Variants in CEACAM19 observed in about 807,000 individuals in gnomAD.
CEACAM19 encodes CEA cell adhesion molecule 19.
A neutral mutation model predicts 37.6 loss-of-function variants in CEACAM19; 37 were observed. The observed-to-expected ratio is 0.98, with a 90% CI of 0.76 to 1.29. The LOEUF is 1.29. Ranked by LOEUF, CEACAM19 falls within the 50% of genes most tolerant of loss-of-function variation. CEACAM19 has a pLI of 0.00. For synonymous variants in CEACAM19, 140 were observed against 149.8 expected, an observed-to-expected ratio of 0.93 and a Z score of 0.48; for missense variants, 340 against 375.6, an observed-to-expected ratio of 0.91 and a Z score of 0.78.
At chr19:44,680,421 C>T (rs1444144049) in intron 5 of CEACAM19, 87 bp downstream of exon 5, 4 of 1,267,126 alleles carry the variant, frequency 3.2e-6, no homozygotes, top group Non-Finnish European at 4.5e-6. Context: ...CTTATTCTCC[C>T]TCACTCAGAG....
chr19:44,673,047 A>T, intron 2 of CEACAM19, 83 bp downstream of exon 2: 1 of 1,177,760 alleles, frequency 8.5e-7, no homozygotes, highest in Non-Finnish European at 1.1e-6. Context: ...TGCAAACACC[A>T]TTTCATTTGG....
chr19:44,677,110 A>C (rs566583691), intron 3 of CEACAM19, among the ~76,000 whole-genome samples: 1 of 152,136 alleles, frequency 6.6e-6, no homozygotes, highest in Non-Finnish European at 1.5e-5. Context: ...CCACTGGTTT[A>C]GCCATTCCTA....
chr19:44,666,882 GC>G (rs1973723628), upstream of CEACAM19: 1 of 151,936 alleles, frequency 6.6e-6, no homozygotes, highest in Non-Finnish European at 1.5e-5. Flanking sequence ...GGCATTTGTT[GC>G]TTGTTGGCTG....
At chr19:44,675,906 G>A (rs1451253683) in intron 2 of CEACAM19, among the ~76,000 whole-genome samples, 1 of 151,966 alleles carries the variant, frequency 6.6e-6, no homozygotes, top group Non-Finnish European at 1.5e-5. Context: ...CGAGATATAG[G>A]ACAGCTAAGG....
At position 44,672,485 on chromosome 19, in the gene CEACAM19, G is replaced by A. The variant is rs140948168; in HGVS notation, c.56-111G>A. On this transcript the variant is annotated intron_variant, in intron 1 of 7. Transcript: ENST00000358777. ...AATCAATCCCAGCATTGTTTCCAAT[G>A]AGCAGCACTCAGAGTCCTTGCTCCC... 6.8e-6 allele frequency: 8 copies of A among 1,177,404 alleles called. No individual in the cohort carries two copies. In the South Asian group the frequency reaches 1.1e-4, roughly 17 times the overall value. 72.9% of individuals were successfully genotyped at this position (1,177,404 alleles called of 1,614,324 possible). A position where few individuals can be genotyped will look rare whatever the true frequency, so the allele number is the denominator to read the frequency against.
chr19:44,673,355 G>A (rs1032218492), intron 2 of CEACAM19, among the ~76,000 whole-genome samples: 2 of 152,136 alleles, frequency 1.3e-5, no homozygotes, highest in African/African-American at 2.4e-5. Flanking sequence ...AAAGGGTGGT[G>A]GGCAATAATG....
At chr19:44,667,760 T>TA (rs1491463508), upstream of CEACAM19, among the ~76,000 whole-genome samples, 1 of 73,324 alleles carries the variant, frequency 1.4e-5, no homozygotes, top group African/African-American at 6.1e-5. Flanking sequence ...TTATATAAAT[T>TA]ATATATATTT....
upstream of CEACAM19, among the ~76,000 whole-genome samples, chr19:44,668,527 A>T (rs1220007997): frequency 8.1e-3 from 382 of 47,142 alleles, 3 homozygotes; most frequent in Non-Finnish European, 0.012. Flanking sequence ...TAATATAAAT[A>T]TATAATATAT....
At chr19:44,682,783 T>C in intron 7 of CEACAM19, 163 bp downstream of exon 7, 3 of 610,186 alleles carry the variant, frequency 4.9e-6, no homozygotes, top group Non-Finnish European at 8.4e-6. Flanking sequence ...ACCGCCTCCC[T>C]GAGAGACCCT....
In CEACAM19 at chr19:44,682,649, T is replaced by C. The variant is rs759090008; in HGVS notation, c.846+29T>C. 16 of 1,581,784 alleles carry C rather than the reference T, an allele frequency of 1.0e-5. No individual in the cohort carries two copies. In the South Asian group the frequency reaches 1.7e-4, roughly 17 times the overall value. On this transcript the variant is annotated intron_variant, in intron 7 of 7. Transcript: ENST00000358777. ...TGGAGCTGGGAGCTGGGAGGGGTGGTGGGGATCCCACGGATCCAGGAGCCC... is the reference window on the plus strand; with the variant it reads ...TGGAGCTGGGAGCTGGGAGGGGTGGCGGGGATCCCACGGATCCAGGAGCCC...
At chr19:44,667,667 T>TAAATATATATTATATATATAAATATA (rs1973743278), upstream of CEACAM19, among the ~76,000 whole-genome samples, 1 of 89,868 alleles carries the variant, frequency 1.1e-5, no homozygotes, top group Non-Finnish European at 2.0e-5. Context: ...TATATAAATA[T>TAAATATATATTATATATATAAATATA]AAATATATAT....
upstream of CEACAM19, among the ~76,000 whole-genome samples, chr19:44,667,831 T>TAA (rs1973757059): frequency 2.8e-5 from 2 of 71,570 alleles, no homozygotes; most frequent in African/African-American, 1.2e-4. Context: ...AAATTATATA[T>TAA]TTTATATATA....
At position 44,676,311 on chromosome 19, in the gene CEACAM19, C is replaced by T. The variant is rs202126119; in HGVS notation, c.465C>T (p.Asn155=). 81 of 1,614,138 alleles carry T rather than the reference C, an allele frequency of 5.0e-5. No homozygotes were observed. Among genetic ancestry groups the T allele is most frequent in the Admixed American group, 1.0e-4 (6 of 60,012 alleles). ...TGCCCAGTACACACCTGCCCACCAACGCTGGGATCCTGGCGGCCACCATCA... is the reference window on the plus strand; with the variant it reads ...TGCCCAGTACACACCTGCCCACCAATGCTGGGATCCTGGCGGCCACCATCA... ...KELPSTHLPT[N]AGILAATIIG... Residue 155 remains asparagine, a synonymous_variant, in exon 3 of 8, where the codon AAC becomes AAT. Transcript: ENST00000358777.
chr19:44,668,544 AATT>A (rs1973792816), upstream of CEACAM19, among the ~76,000 whole-genome samples: 1 of 70,434 alleles, frequency 1.4e-5, no homozygotes, highest in African/African-American at 8.9e-5. Context: ...ATATGTATAT[AATT>A]ATATAATTAT....
In CEACAM19 at chr19:44,671,939, T is replaced by A. The variant is rs765696068; in HGVS notation, c.8T>A (p.Ile3Asn). The change falls in exon 1 of 8, where the codon ATT becomes AAT. Residue 3 changes from isoleucine to asparagine, a missense_variant. Physicochemically the swap from Ile to Asn is moderately radical, Grantham distance 149. Coordinates refer to ENST00000358777, the MANE Select transcript of CEACAM19 (RefSeq NM_001127893.3). Reference protein sequence around the residue: MEIPMGTQGCFSK... With the variant: MENPMGTQGCFSK... ...TTTCCACAAGACGCCAAGATGGAGA[T>A]TCCCATGGGGACCCAGGGCTGCTTC... 3.7e-5 allele frequency: 60 copies of A among 1,605,940 alleles called. No individual in the cohort carries two copies. The South Asian group carries it at 5.4e-4, about 14-fold the overall frequency.
At chr19:44,667,876 TA>T (rs1306626075), upstream of CEACAM19, among the ~76,000 whole-genome samples, 3 of 70,396 alleles carry the variant, frequency 4.3e-5, no homozygotes, top group African/African-American at 7.2e-5. Flanking sequence ...ATATAATATA[TA>T]AATATATATA....
chr19:44,675,104 G>A (rs945724244), intron 2 of CEACAM19, among the ~76,000 whole-genome samples: 2 of 140,126 alleles, frequency 1.4e-5, no homozygotes, highest in African/African-American at 5.5e-5. Flanking sequence ...CAGCGTGTGT[G>A]TGTGTGTGTG....
rs1973863625 is a variant in CEACAM19 at position 44,671,994 on chromosome 19, G to T, written c.55+8G>T. 5 of 1,600,496 alleles carry T rather than the reference G, an allele frequency of 3.1e-6. 1 individual carries two copies. In the East Asian group the frequency reaches 1.1e-4, roughly 36 times the overall value. On this transcript the variant is annotated splice_region_variant and intron_variant, in intron 1 of 7. Transcript: ENST00000358777. The stretch of plus-strand genomic sequence containing the variant: ...AGAGCCTCCTGCTCTCAGGTAAGGA[G>T]GAAATAGACCCTAAAGGCCAAGGGG...
intron 3 of CEACAM19, chr19:44,677,623 A>C (rs904740527): frequency 6.6e-6 from 1 of 152,130 alleles, no homozygotes; most frequent in African/African-American, 2.4e-5. Context: ...AGTTCCCAGA[A>C]TATGAAAGCA....
Sources: allele counts gnomAD v4.1 joint callset (sites outside exome capture counted in the v4.1 genomes callset), GRCh38; gene constraint gnomAD v4.1.1; transcripts MANE v1.5; gene names NCBI Gene and HGNC (gene_info 2026-07-23, HGNC 2026-07-21).